HCN3: variants seen among roughly 807,000 people sequenced by gnomAD.
HCN3 encodes potassium/sodium hyperpolarization-activated cyclic nucleotide-gated channel 3.
Under a neutral mutation model 56.8 loss-of-function variants are expected in HCN3, and 36 were observed. That is an observed-to-expected ratio of 0.63 (90% confidence interval 0.49 to 0.84). HCN3 has a LOEUF of 0.84. HCN3 is among the 40% of genes least tolerant of loss of function. HCN3 has a pLI of 0.00. For synonymous variants in HCN3, 425 were observed against 439.7 expected (o/e 0.97, Z 0.42); for missense variants, 930 against 1,079.3 (o/e 0.86, Z 1.94).
In HCN3 at chr1:155,285,348, G is replaced by C. The variant is rs746015647; in HGVS notation, c.1236+37G>C. 1.2e-6 allele frequency: 2 copies of C among 1,608,746 alleles called. No individual in the cohort carries two copies. Among genetic ancestry groups the C allele is most frequent in the South Asian group, 2.2e-5 (2 of 90,310 alleles). On this transcript the variant is annotated intron_variant, in intron 5 of 7. Transcript: ENST00000368358. The surrounding 1 kb of genome is among the most constrained non-coding windows in gnomAD (Gnocchi z 4.5). ...TTGGGCCTGGAAGGGGGGCTCTTCA[G>C]GGACCTGGAGTGCTGTCTGGTGGTA...
rs143410524 is a variant in HCN3, at chr1:155,287,586, C to T, written c.1643-195C>T. On this transcript the variant is annotated intron_variant, in intron 7 of 7. Coordinates refer to ENST00000368358, the MANE Select transcript of HCN3 (RefSeq NM_020897.3). ...CTTCCCCTGAGTACCAGTCCCCTGA[C>T]CCTCGCTGTCTCTGATACATACCCT... Among the ~76,000 whole-genome samples the T allele has an allele frequency of 4.0e-3, 615 of 152,034 alleles. 5 individuals are homozygous for T. The highest frequency in any genetic ancestry group is 0.014 in the African/African-American group (573 of 41,442).
In HCN3 at chr1:155,284,361, A is replaced by G; in HGVS notation, c.871-178A>G. On this transcript the variant is annotated intron_variant, in intron 3 of 7. Transcript: ENST00000368358. The surrounding 1 kb of genome is among the most constrained non-coding windows in gnomAD (Gnocchi z 4.3). ...ACCTACCCGGAAGCTGAGGCCCCCA[A>G]GTTGCAATAGAGGACCCTTTTGCCT... The G allele has an allele frequency of 2.4e-6, 2 of 838,972 alleles. No homozygotes were observed. Among genetic ancestry groups the G allele is most frequent in the Non-Finnish European group, 3.6e-6 (2 of 554,864 alleles). The allele number at this position is 838,972 out of a possible 1,614,324, so 52.0% of individuals were successfully genotyped here.
rs144779845 is a variant in HCN3 at position 155,287,916 on chromosome 1, G to A, written c.1778G>A (p.Gly593Glu). The A allele has an allele frequency of 1.3e-5, 21 of 1,613,858 alleles. No individual in the cohort carries two copies. The highest frequency in any genetic ancestry group is 1.8e-5 in the Non-Finnish European group (21 of 1,180,022). Residue 593 changes from glycine to glutamate, a missense_variant, in exon 8 of 8, where the codon GGA becomes GAA. Transcript: ENST00000368358. ...GTTCGGGGTCGGGCCCCGAGCACAGGAGCTCAGCTTAGTGGAAAGCCAGTA... is the reference window on the plus strand; with the variant it reads ...GTTCGGGGTCGGGCCCCGAGCACAGAAGCTCAGCTTAGTGGAAAGCCAGTA... ...RGVRGRAPST[G>E]AQLSGKPVLW...
Position 155,285,123 on chromosome 1 carries a change from T to C in HCN3, c.1090-42T>C, listed in dbSNP as rs531831192. The stretch of plus-strand genomic sequence containing the variant: ...CCCCACTGTGCCGGCCCCAAATCTC[T>C]CCCTCTGTCCTCTTGCCCCTGGCAA... On this transcript the variant is annotated intron_variant, in intron 4 of 7. Coordinates refer to ENST00000368358, the MANE Select transcript of HCN3 (RefSeq NM_020897.3). The surrounding 1 kb of genome is among the most constrained non-coding windows in gnomAD (Gnocchi z 4.5). 5 of 1,601,406 alleles carry C rather than the reference T, an allele frequency of 3.1e-6. No homozygotes were observed. The South Asian group carries it at 5.5e-5, about 18-fold the overall frequency.
chr1:155,288,400 C>T lies in HCN3; in HGVS notation c.2262C>T (p.Pro754=). Residue 754 remains proline, a synonymous_variant, in exon 8 of 8, where the codon CCC becomes CCT. Coordinates refer to ENST00000368358, the MANE Select transcript of HCN3 (RefSeq NM_020897.3). This position sits in a 1 kb window ranked among gnomAD's most constrained non-coding sequence, Gnocchi z 6.5. The stretch of plus-strand genomic sequence containing the variant: ...CCAAACCTCCAAGGACAGCCCAGCC[C>T]CCCAGGCCACCAGTGCCTGAGCCAG... ...LLAKPPRTAQ[P]PRPPVPEPAT... 6.2e-7 allele frequency: 1 copy of T among 1,613,452 alleles called. No homozygotes were observed. Among genetic ancestry groups the T allele is most frequent in the Non-Finnish European group, 8.5e-7 (1 of 1,179,760 alleles).
Position 155,277,654 on chromosome 1 carries a change from G to A in HCN3, c.64G>A (p.Val22Met). 6.4e-7 allele frequency: 1 copy of A among 1,554,516 alleles called. No individual in the cohort carries two copies. Among genetic ancestry groups the A allele is most frequent in the Non-Finnish European group, 8.7e-7 (1 of 1,150,296 alleles). ...SEGATPGLEA[V>M]PPVAPPPATA... ...AGGGGCGACCCCTGGACTGGAGGCG[G>A]TGCCTCCCGTTGCTCCCCCGCCTGC... Residue 22 changes from valine (V) to methionine (M), a missense_variant, in exon 1 of 8, where the codon GTG becomes ATG. By Grantham distance (21) the Val-to-Met change is conservative. Coordinates refer to ENST00000368358, the MANE Select transcript of HCN3 (RefSeq NM_020897.3).
rs779367405 is a variant in HCN3 at position 155,284,533 on chromosome 1, C to T, written c.871-6C>T. The T allele has an allele frequency of 3.1e-6, 5 of 1,610,786 alleles. 1 individual carries two copies. The South Asian group carries it at 4.4e-5, about 14-fold the overall frequency. On this transcript the variant is annotated splice_polypyrimidine_tract_variant and splice_region_variant and intron_variant, in intron 3 of 7. Transcript: ENST00000368358. This position sits in a 1 kb window ranked among gnomAD's most constrained non-coding sequence, Gnocchi z 4.3. ...GCCCAGCTCTGCAATATACTCTGCC[C>T]CTCAGAACCACTCGTGGGGCCGCCA...
chr1:155,285,546 A>G lies in HCN3; in HGVS notation c.1237-178A>G, dbSNP rs1377083190. ...TCTGTTTTTGGGGGATGGTCCTGCA[A>G]GGGCTCATGGGAAAGATCTGAAGGC... On this transcript the variant is annotated intron_variant, in intron 5 of 7. Coordinates refer to ENST00000368358, the MANE Select transcript of HCN3 (RefSeq NM_020897.3). The surrounding 1 kb of genome is among the most constrained non-coding windows in gnomAD (Gnocchi z 4.5). Among the ~76,000 whole-genome samples the G allele has an allele frequency of 6.6e-6, 1 of 152,208 alleles. No individual in the cohort carries two copies. The highest frequency in any genetic ancestry group is 1.5e-5 in the Non-Finnish European group (1 of 68,036).
In HCN3 at chr1:155,288,951, G is replaced by T; in HGVS notation, c.*488G>T. The T allele has an allele frequency of 6.3e-6, 1 of 159,086 alleles. No individual in the cohort carries two copies. Among genetic ancestry groups the T allele is most frequent in the Admixed American group, 6.0e-5 (1 of 16,532 alleles). 9.9% of individuals were successfully genotyped at this position (159,086 alleles called of 1,614,324 possible). Reference sequence around the variant, plus strand: ...TCTTCCTGTTCCTGTAGCATAGCCAGGCACTGCCAGTCACCTGTGCCCCCA... The same window carrying T: ...TCTTCCTGTTCCTGTAGCATAGCCATGCACTGCCAGTCACCTGTGCCCCCA... On this transcript the variant is annotated 3_prime_UTR_variant, in exon 8 of 8. Coordinates refer to ENST00000368358, the MANE Select transcript of HCN3 (RefSeq NM_020897.3). This position sits in a 1 kb window ranked among gnomAD's most constrained non-coding sequence, Gnocchi z 6.5.
chr1:155,279,871 G>T (rs889614130), intron 1 of HCN3, among the ~76,000 whole-genome samples: 2 of 152,084 alleles, frequency 1.3e-5, no homozygotes, highest in Admixed American at 1.3e-4. Context: ...TTTAGCAATG[G>T]TGAGGTAAAT....
At position 155,283,960 on chromosome 1, in the gene HCN3, C is replaced by T. The variant is rs774889651; in HGVS notation, c.709-14C>T. The stretch of plus-strand genomic sequence containing the variant: ...GGGTTCCTGTCCACAGCAGCTCCTC[C>T]TCGGACTCCTCAGATCTTTCACATG... On this transcript the variant is annotated splice_polypyrimidine_tract_variant and intron_variant, in intron 2 of 7. Transcript: ENST00000368358. 1.2e-6 allele frequency: 2 copies of T among 1,608,200 alleles called. No homozygotes were observed. The highest frequency in any genetic ancestry group is 4.5e-5 in the East Asian group (2 of 44,714).
Position 155,284,564 on chromosome 1 carries a change from C to T in HCN3, c.896C>T (p.Ser299Phe). 1 of 1,613,052 alleles carries T rather than the reference C, an allele frequency of 6.2e-7. No homozygotes were observed. The highest frequency in any genetic ancestry group is 8.5e-7 in the Non-Finnish European group (1 of 1,180,016). Residue 299 changes from serine to phenylalanine, a missense_variant, in exon 4 of 8, where the codon TCC (serine) becomes TTC (phenylalanine). Coordinates refer to ENST00000368358, the MANE Select transcript of HCN3 (RefSeq NM_020897.3). The surrounding 1 kb of genome is among the most constrained non-coding windows in gnomAD (Gnocchi z 4.3). The stretch of plus-strand genomic sequence containing the variant: ...AACCACTCGTGGGGCCGCCAGTATT[C>T]CCATGCCCTGTTCAAGGCCATGAGC... ...MVNHSWGRQYSHALFKAMSHM... is the reference protein window; with the variant it reads ...MVNHSWGRQYFHALFKAMSHM...
At chr1:155,287,601 A>G (rs1674340608) in intron 7 of HCN3, among the ~76,000 whole-genome samples, 180 bp from the exon 8 acceptor site, 1 of 151,114 alleles carries the variant, frequency 6.6e-6, no homozygotes, top group South Asian at 2.1e-4. Flanking sequence ...GCTGTCTCTG[A>G]TACATACCCT....
At chr1:155,279,132 G>A (rs1055323893) in intron 1 of HCN3, among the ~76,000 whole-genome samples, 2 of 152,200 alleles carry the variant, frequency 1.3e-5, no homozygotes, top group African/African-American at 2.4e-5. Flanking sequence ...CCGGACTTGA[G>A]GAAGTTTCTT....
rs1674454790 is a variant in HCN3 at position 155,289,812 on chromosome 1, C to G, written c.*1349C>G. On this transcript the variant is annotated 3_prime_UTR_variant, in exon 8 of 8. Coordinates refer to ENST00000368358, the MANE Select transcript of HCN3 (RefSeq NM_020897.3). ...GTGGGAGAAGTTTTATAATTGCTTC[C>G]AAACAGCTGGGTTTAAATATAAAAT... 3.3e-5 allele frequency: 5 copies of G among 152,282 alleles called. No homozygotes were observed. The South Asian group carries it at 1.0e-3, about 32-fold the overall frequency. 9.4% of individuals were successfully genotyped at this position (152,282 alleles called of 1,614,324 possible). A position where few individuals can be genotyped will look rare whatever the true frequency, so the allele number is the denominator to read the frequency against.
At chr1:155,283,362 G>A (rs1006310262) in intron 2 of HCN3, among the ~76,000 whole-genome samples, 1 of 151,942 alleles carries the variant, frequency 6.6e-6, no homozygotes, top group Admixed American at 6.6e-5. Context: ...AAGGTGTCTA[G>A]CACATACTAA....
At position 155,288,585 on chromosome 1, in the gene HCN3, C is replaced by T. The variant is rs1024804913; in HGVS notation, c.*122C>T. 2.2e-5 allele frequency: 28 copies of T among 1,264,624 alleles called. No individual in the cohort carries two copies. Among genetic ancestry groups the T allele is most frequent in the Non-Finnish European group, 2.9e-5 (27 of 923,228 alleles). 78.3% of individuals were successfully genotyped at this position (1,264,624 alleles called of 1,614,324 possible). ...GCCCCATGGAAATGTCGACCCTGTG[C>T]GGACATTCCGCATACTGCCATGAAG... On this transcript the variant is annotated 3_prime_UTR_variant, in exon 8 of 8. Transcript: ENST00000368358. The surrounding 1 kb of genome is among the most constrained non-coding windows in gnomAD (Gnocchi z 6.5).
In HCN3 at chr1:155,284,721, G is replaced by A; in HGVS notation, c.1053G>A (p.Gln351=). The A allele has an allele frequency of 6.2e-7, 1 of 1,614,146 alleles. No individual in the cohort carries two copies. The highest frequency in any genetic ancestry group is 8.5e-7 in the Non-Finnish European group (1 of 1,180,018). Residue 351 remains glutamine (Q), a synonymous_variant, in exon 4 of 8, where the codon CAG becomes CAA. Transcript: ENST00000368358. This position sits in a 1 kb window ranked among gnomAD's most constrained non-coding sequence, Gnocchi z 4.3. The stretch of plus-strand genomic sequence containing the variant: ...TCGGCCATGCCACGGCACTCATCCA[G>A]TCCCTGGACTCTTCCCGGCGTCAGT... ...MFIGHATALI[Q]SLDSSRRQYQ...
At chr1:155,279,096 TAC>T (rs1447850421) in intron 1 of HCN3, among the ~76,000 whole-genome samples, 1 of 152,170 alleles carries the variant, frequency 6.6e-6, no homozygotes, top group Admixed American at 6.5e-5. Context: ...ATTGAAAACA[TAC>T]AGTCTAAGGG....
Sources: gnomAD v4.1 joint callset for allele counts (sites outside exome capture counted in the v4.1 genomes callset) on GRCh38, gnomAD v4.1.1 for gene constraint, Gnocchi (gnomAD v3.1) non-coding constraint, MANE v1.5 for transcripts, NCBI Gene and HGNC (gene_info 2026-07-23, HGNC 2026-07-21) for gene names.